Variants in MSRB3 observed in about 807,000 individuals in gnomAD.
MSRB3 encodes methionine-R-sulfoxide reductase B3.
In MSRB3, 13 loss-of-function variants were observed where a neutral mutation model predicts 21.0. The ratio of observed to expected loss-of-function variants is 0.62; its 90% CI spans 0.40 to 0.98. MSRB3 has a LOEUF of 0.98. Ranked by LOEUF, MSRB3 falls within the 50% of genes least tolerant of loss-of-function variation. The probability of loss-of-function intolerance (pLI) is 0.00; values close to 1 mark genes in which losing one functional copy is unlikely to be tolerated. For missense variants in MSRB3, 199 were observed against 230.3 expected (o/e 0.86, Z 0.88); for synonymous variants, 87 against 88.6 (o/e 0.98, Z 0.10).
chr12:65,426,292 C>A (rs569700113), intron 5 of MSRB3, among the ~76,000 whole-genome samples: 1 of 152,094 alleles, frequency 6.6e-6, no homozygotes, highest in Non-Finnish European at 1.5e-5. Context: ...GTGTTTATCT[C>A]TTCTTTACTT....
chr12:65,413,072 C>T (rs60303831), intron 5 of MSRB3, among the ~76,000 whole-genome samples: 4,982 of 152,286 alleles, frequency 0.033, 113 homozygotes, highest in Non-Finnish European at 0.05. Flanking sequence ...GATGCAGACA[C>T]AGAGCCAAAC....
intron 5 of MSRB3, among the ~76,000 whole-genome samples, chr12:65,388,888 G>T (rs1378876371): frequency 6.6e-6 from 1 of 152,142 alleles, no homozygotes; most frequent in Non-Finnish European, 1.5e-5. Context: ...GAAGAGAAGA[G>T]AAGAGAAAAG....
intron 4 of MSRB3, among the ~76,000 whole-genome samples, chr12:65,332,510 A>T (rs1875494830): frequency 6.6e-6 from 1 of 152,162 alleles, no homozygotes; most frequent in South Asian, 2.1e-4. Context: ...TGGGGAGGGA[A>T]AGCATTAGGA....
rs562777883 is a variant in MSRB3 at position 65,403,275 on chromosome 12, G to A, written c.292+34249G>A. 9.2e-5 allele frequency among the ~76,000 whole-genome samples: 14 copies of A among 152,334 alleles called. No individual in the cohort carries two copies. In the East Asian group the frequency reaches 1.4e-3, roughly 15 times the overall value. ...TATCTGTAAGCCCATGACTGGGGCT[G>A]CTGCCTTTCTTTCAGAGATTCCCTG... On this transcript the variant is annotated intron_variant, in intron 5 of 6. Coordinates refer to ENST00000308259, the MANE Select transcript of MSRB3 (RefSeq NM_001031679.3).
At chr12:65,330,019 GTTGATATA>G (rs1875307273) in intron 4 of MSRB3, among the ~76,000 whole-genome samples, 1 of 152,106 alleles carries the variant, frequency 6.6e-6, no homozygotes, top group Admixed American at 6.5e-5. Context: ...TGTCATAATA[GTTGATATA>G]ACACTTAAGA....
At chr12:65,406,770 T>G (rs1014040216) in intron 5 of MSRB3, among the ~76,000 whole-genome samples, 1 of 152,302 alleles carries the variant, frequency 6.6e-6, no homozygotes, top group South Asian at 2.1e-4. Context: ...TGCCATAATG[T>G]TAAGAGCTGG....
intron 5 of MSRB3, among the ~76,000 whole-genome samples, chr12:65,438,410 G>C (rs1484551690): frequency 6.6e-6 from 1 of 151,748 alleles, no homozygotes; most frequent in Admixed American, 6.6e-5. Context: ...ACTTTTTTGG[G>C]GGACCTATAG....
intron 5 of MSRB3, chr12:65,419,144 C>T (rs929922002): frequency 4.1e-5 from 28 of 682,004 alleles, no homozygotes; most frequent in South Asian, 3.7e-4. Context: ...AGCATCATCT[C>T]AACAGCTCCA....
At chr12:65,444,234 T>A (rs1249075924) in intron 5 of MSRB3, among the ~76,000 whole-genome samples, 1 of 152,196 alleles carries the variant, frequency 6.6e-6, no homozygotes, top group Non-Finnish European at 1.5e-5. Flanking sequence ...TCCAGCCATA[T>A]TGATTGAGCA....
At chr12:65,335,908 T>C (rs1875734771) in intron 4 of MSRB3, among the ~76,000 whole-genome samples, 2 of 152,194 alleles carry the variant, frequency 1.3e-5, no homozygotes, top group South Asian at 4.1e-4. Context: ...CTCACCTTAT[T>C]CAAAATCCTT....
intron 4 of MSRB3, among the ~76,000 whole-genome samples, chr12:65,355,696 A>G (rs991913738): frequency 1.3e-5 from 2 of 151,912 alleles, no homozygotes; most frequent in Non-Finnish European, 2.9e-5. Context: ...CTGCATAAGC[A>G]TAAATTAACT....
intron 1 of MSRB3, among the ~76,000 whole-genome samples, chr12:65,297,266 A>G (rs917069528): frequency 6.6e-6 from 1 of 152,178 alleles, no homozygotes; most frequent in South Asian, 2.1e-4. Flanking sequence ...TAGCTAATGC[A>G]TGCTGGGCTT....
chr12:65,315,927 T>A (rs1033502770), intron 2 of MSRB3: 1 of 152,154 alleles, frequency 6.6e-6, no homozygotes, highest in African/African-American at 2.4e-5. Context: ...TATAGCTTTG[T>A]AGGATTTTGT....
chr12:65,348,626 T>G (rs1876699857), intron 4 of MSRB3, among the ~76,000 whole-genome samples: 1 of 152,192 alleles, frequency 6.6e-6, no homozygotes, highest in Non-Finnish European at 1.5e-5. Flanking sequence ...TGCCTTCTGC[T>G]AGCTTTTGAA....
chr12:65,381,113 A>T (rs1878918243), intron 5 of MSRB3, among the ~76,000 whole-genome samples: 1 of 152,234 alleles, frequency 6.6e-6, no homozygotes, highest in South Asian at 2.1e-4. Flanking sequence ...CTGCTGAGAA[A>T]GATATTCATG....
intron 6 of MSRB3, among the ~76,000 whole-genome samples, chr12:65,454,882 A>G (rs1479177643): frequency 5.3e-5 from 8 of 152,228 alleles, no homozygotes; most frequent in African/African-American, 1.7e-4. Flanking sequence ...TAGAATCTCC[A>G]TCTACATGGA....
At chr12:65,378,637 G>A (rs939037729) in intron 5 of MSRB3, among the ~76,000 whole-genome samples, 5 of 152,192 alleles carry the variant, frequency 3.3e-5, no homozygotes, top group Non-Finnish European at 5.9e-5. Flanking sequence ...ACAAAAAGTA[G>A]CGTTAATGGC....
chr12:65,369,161 C>G, intron 5 of MSRB3, 135 bp downstream of exon 5: 1 of 674,818 alleles, frequency 1.5e-6, no homozygotes, highest in South Asian at 1.8e-5. Flanking sequence ...AGTCCCACCT[C>G]AAAGCAGGGC....
At chr12:65,338,062 C>T (rs1180897282) in intron 4 of MSRB3, among the ~76,000 whole-genome samples, 3 of 152,122 alleles carry the variant, frequency 2.0e-5, no homozygotes, top group East Asian at 3.8e-4. Flanking sequence ...ACAGTTTAAT[C>T]CTGATAAGAA....
Sources: allele counts gnomAD v4.1 joint callset (sites outside exome capture counted in the v4.1 genomes callset), GRCh38; gene constraint gnomAD v4.1.1; transcripts MANE v1.5; gene names NCBI Gene and HGNC (gene_info 2026-07-23, HGNC 2026-07-21).